SPOCK3: variants seen among roughly 807,000 people sequenced by gnomAD.
SPOCK3 encodes the protein SPARC (osteonectin), cwcv and kazal like domains proteoglycan 3.
Under a neutral mutation model 56.6 loss-of-function variants are expected in SPOCK3, and 30 were observed. The ratio of observed to expected loss-of-function variants is 0.53; its 90% confidence interval spans 0.40 to 0.72. The LOEUF (loss-of-function observed/expected upper bound fraction) is 0.72, where lower values mean the gene tolerates loss of function less well. SPOCK3 is among the 30% of genes least tolerant of loss of function. The pLI, the probability that SPOCK3 is intolerant of heterozygous loss-of-function variation, is 0.00. For missense variants in SPOCK3, 527 were observed against 530.0 expected (o/e 0.99, Z 0.06); for synonymous variants, 196 against 183.3 (o/e 1.07, Z -0.56).
At chr4:167,036,534 T>C (rs34505077) in intron 3 of SPOCK3, among the ~76,000 whole-genome samples, 3,586 of 152,332 alleles carry the variant, frequency 0.024, 75 homozygotes, top group Middle Eastern at 0.061. Context: ...TTTTAGGCTG[T>C]TATTTAGTGG....
intron 6 of SPOCK3, among the ~76,000 whole-genome samples, chr4:166,833,535 C>A (rs557535266): frequency 8.3e-4 from 127 of 152,166 alleles, no homozygotes; most frequent in South Asian, 3.7e-3. Context: ...TTGTTAGGTG[C>A]AAACACATTT....
chr4:166,842,549 T>C (rs1305869986), intron 6 of SPOCK3, among the ~76,000 whole-genome samples: 1 of 152,204 alleles, frequency 6.6e-6, no homozygotes, highest in African/African-American at 2.4e-5. Context: ...TTGGTGTGTT[T>C]ACAAACCTTG....
chr4:166,997,010 A>G (rs1387885827), intron 4 of SPOCK3, among the ~76,000 whole-genome samples: 1 of 152,158 alleles, frequency 6.6e-6, no homozygotes, highest in Non-Finnish European at 1.5e-5. Flanking sequence ...TGTGCCTTTC[A>G]GGGATATGGA....
chr4:166,823,055 C>T (rs1017130863), intron 6 of SPOCK3, among the ~76,000 whole-genome samples: 4 of 152,060 alleles, frequency 2.6e-5, no homozygotes, highest in Non-Finnish European at 4.4e-5. Flanking sequence ...CTCATTCCTT[C>T]CCAAGAGTTC....
chr4:167,133,535 A>C (rs1031960154), intron 2 of SPOCK3, among the ~76,000 whole-genome samples: 1 of 152,238 alleles, frequency 6.6e-6, no homozygotes, highest in Admixed American at 6.5e-5. Context: ...ATCCAGTAGT[A>C]GATGTCTTAC....
chr4:167,096,702 A>G (rs1192654397), intron 2 of SPOCK3, among the ~76,000 whole-genome samples: 2 of 151,902 alleles, frequency 1.3e-5, no homozygotes, highest in African/African-American at 4.8e-5. Context: ...TGAGTATTCC[A>G]TATGAGCTTG....
intron 4 of SPOCK3, among the ~76,000 whole-genome samples, chr4:166,928,640 A>G (rs1226496162): frequency 6.6e-6 from 1 of 152,184 alleles, no homozygotes; most frequent in Non-Finnish European, 1.5e-5. Context: ...CCAAACCCAT[A>G]GAATGTACAA....
intron 4 of SPOCK3, among the ~76,000 whole-genome samples, chr4:166,932,660 T>C (rs1217970942): frequency 6.6e-6 from 1 of 152,172 alleles, no homozygotes; most frequent in Non-Finnish European, 1.5e-5. Context: ...AAACAAAATC[T>C]AGGAGAAAAA....
intron 2 of SPOCK3, among the ~76,000 whole-genome samples, chr4:167,164,616 G>C (rs186450683): frequency 2.8e-5 from 4 of 142,140 alleles, no homozygotes; most frequent in South Asian, 4.6e-4. Context: ...CACAGGCCCC[G>C]GTGTGTGATG....
chr4:166,895,938 T>G (rs942465900), intron 5 of SPOCK3, among the ~76,000 whole-genome samples: 3 of 152,092 alleles, frequency 2.0e-5, no homozygotes, highest in Non-Finnish European at 4.4e-5. Flanking sequence ...AGCCATGATT[T>G]CCTGAGCCCT....
chr4:166,899,736 C>T lies in SPOCK3; in HGVS notation c.475-10492G>A, dbSNP rs533456937. Among the ~76,000 whole-genome samples, 23 of 152,024 alleles carry T rather than the reference C, an allele frequency of 1.5e-4. 1 individual carries two copies. The East Asian group carries it at 3.3e-3, about 22-fold the overall frequency. On this transcript the variant is annotated intron_variant, in intron 5 of 10. Transcript: ENST00000357545. ...TTCACCATATTGGCCAGGCTAGTCTCGAACTCCTAACCTCATGACCCGCCT... is the reference window on the plus strand; with the variant it reads ...TTCACCATATTGGCCAGGCTAGTCTTGAACTCCTAACCTCATGACCCGCCT...
intron 6 of SPOCK3, chr4:166,883,004 G>T (rs530864185): frequency 3.3e-5 from 5 of 151,958 alleles, no homozygotes; most frequent in African/African-American, 1.2e-4. Flanking sequence ...TATTAGTTAC[G>T]GAGAAGCATG....
chr4:167,126,107 A>AGG (rs1206395859), intron 2 of SPOCK3, among the ~76,000 whole-genome samples: 3 of 152,164 alleles, frequency 2.0e-5, no homozygotes, highest in Non-Finnish European at 4.4e-5. Flanking sequence ...AAAAAAGAAA[A>AGG]GAGTGAAAAT....
At position 166,937,597 on chromosome 4, in the gene SPOCK3, T is replaced by C. The variant is rs1345502983; in HGVS notation, c.351-24854A>G. On this transcript the variant is annotated intron_variant, in intron 4 of 10. Transcript: ENST00000357545. ...CAGTGAAAACCATTTTCAGTAATTG[T>C]AGTTGTTCCAGTTGAGCTAAAAGAG... is the stretch of plus-strand genomic sequence containing the variant. Among the ~76,000 whole-genome samples, 3 of 148,926 alleles carry C rather than the reference T, an allele frequency of 2.0e-5. No individual in the cohort carries two copies. The East Asian group carries it at 5.9e-4, about 29-fold the overall frequency.
chr4:167,134,354 T>C (rs1222038135), intron 2 of SPOCK3, among the ~76,000 whole-genome samples: 1 of 152,072 alleles, frequency 6.6e-6, no homozygotes, highest in African/African-American at 2.4e-5. Flanking sequence ...GTACACCTTT[T>C]ATTTAAATTT....
At chr4:167,056,336 A>G (rs1287255355) in intron 3 of SPOCK3, among the ~76,000 whole-genome samples, 1 of 152,184 alleles carries the variant, frequency 6.6e-6, no homozygotes, top group African/African-American at 2.4e-5. Flanking sequence ...AAGATGGGGA[A>G]AAAACAGAGC....
rs544241831 is a variant in SPOCK3, at chr4:167,110,733, C to T, written c.190-48196G>A. ...AATACACTTAAGGGGGAAAAAATTC[C>T]AAAATAGAGCCCCAAATTCCAGGAA... On this transcript the variant is annotated intron_variant, in intron 2 of 10. Transcript: ENST00000357545. Among the ~76,000 whole-genome samples the T allele has an allele frequency of 2.0e-5, 3 of 151,828 alleles. No homozygotes were observed. In the South Asian group the frequency reaches 6.2e-4, roughly 32 times the overall value.
intron 5 of SPOCK3, among the ~76,000 whole-genome samples, chr4:166,905,025 T>C (rs1477137360): frequency 6.6e-6 from 1 of 152,040 alleles, no homozygotes; most frequent in Non-Finnish European, 1.5e-5. Flanking sequence ...ATTCACCAGC[T>C]TTATGGCTGA....
intron 6 of SPOCK3, among the ~76,000 whole-genome samples, chr4:166,801,702 C>A (rs1195800226): frequency 6.6e-6 from 1 of 151,800 alleles, no homozygotes; most frequent in Non-Finnish European, 1.5e-5. Flanking sequence ...TTAAAATGTG[C>A]ATTGTTTTAT....
Sources: allele counts gnomAD v4.1 joint callset (sites outside exome capture counted in the v4.1 genomes callset), GRCh38; gene constraint gnomAD v4.1.1; transcripts MANE v1.5; gene names NCBI Gene and HGNC (gene_info 2026-07-23, HGNC 2026-07-21).